SLC35A3: variants seen among roughly 807,000 people sequenced by gnomAD.
SLC35A3 encodes solute carrier family 35 member A3, also known as UDP-N-acetylglucosamine transporter.
SLC35A3 carries 26 observed loss-of-function variants against 39.0 expected under a neutral mutation model. The ratio of observed to expected loss-of-function variants is 0.67; its 90% CI spans 0.49 to 0.92. The LOEUF (loss-of-function observed/expected upper bound fraction) is 0.92, where lower values mean the gene tolerates loss of function less well. Among genes scored for constraint, SLC35A3 ranks in the 40% least tolerant of loss-of-function variants. SLC35A3 has a pLI of 0.00. For synonymous variants in SLC35A3, 135 were observed against 133.1 expected, an observed-to-expected ratio of 1.01 and a Z score of -0.10; for missense variants, 299 against 371.6, an observed-to-expected ratio of 0.80 and a Z score of 1.61.
At chr1:99,977,930 T>C (rs1486391019) in intron 1 of SLC35A3, among the ~76,000 whole-genome samples, 1 of 152,204 alleles carries the variant, frequency 6.6e-6, no homozygotes. Context: ...TCTATCTTAA[T>C]GAGTAATTAT....
At chr1:100,016,921 C>T (rs745821487) in intron 6 of SLC35A3, among the ~76,000 whole-genome samples, 4 of 152,146 alleles carry the variant, frequency 2.6e-5, no homozygotes, top group Non-Finnish European at 4.4e-5. Flanking sequence ...TGAATGACAA[C>T]ATTGCCAAGA....
intron 1 of SLC35A3, among the ~76,000 whole-genome samples, chr1:99,982,835 C>T (rs977086645): frequency 1.3e-5 from 2 of 152,010 alleles, no homozygotes; most frequent in Non-Finnish European, 1.5e-5. Context: ...AATAATAAAA[C>T]TGAACTTTAT....
intron 3 of SLC35A3, among the ~76,000 whole-genome samples, chr1:100,001,752 A>G (rs574940016): frequency 1.3e-5 from 2 of 152,144 alleles, no homozygotes; most frequent in African/African-American, 4.8e-5. Context: ...CGCATTCAGT[A>G]TGATATTAGT....
rs1263569936 is a variant in SLC35A3 at position 100,029,814 on chromosome 1, GA to G, written c.*7343del. On this transcript the variant is annotated 3_prime_UTR_variant, in exon 8 of 8. Coordinates refer to ENST00000533028, the MANE Select transcript of SLC35A3 (RefSeq NM_012243.3). The stretch of plus-strand genomic sequence containing the variant: ...CTGAACATAACATGAATCTAGTGTG[GA>G]AAAATGTTTATAATCAGATATTGTG... 1 of 151,770 alleles carries G rather than the reference GA, an allele frequency of 6.6e-6. No individual in the cohort carries two copies. The highest frequency in any genetic ancestry group is 1.5e-5 in the Non-Finnish European group (1 of 67,952). The allele number at this position is 151,770 out of a possible 1,614,324, so 9.4% of individuals were successfully genotyped here. A position where few individuals can be genotyped will look rare whatever the true frequency, so the allele number is the denominator to read the frequency against.
Position 100,033,040 on chromosome 1 carries a change from T to C in SLC35A3, c.*10564T>C, listed in dbSNP as rs1331614943. 1 of 152,234 alleles carries C rather than the reference T, an allele frequency of 6.6e-6. No homozygotes were observed. The highest frequency in any genetic ancestry group is 1.5e-5 in the Non-Finnish European group (1 of 68,042). The allele number at this position is 152,234 out of a possible 1,614,324, so 9.4% of individuals were successfully genotyped here. A position where few individuals can be genotyped will look rare whatever the true frequency, so the allele number is the denominator to read the frequency against. On this transcript the variant is annotated 3_prime_UTR_variant, in exon 8 of 8. Coordinates refer to ENST00000533028, the MANE Select transcript of SLC35A3 (RefSeq NM_012243.3). ...CTTTGGAGTCCTTCTAGCCAGTGAA[T>C]GGAATTTATTATAGAATCCATTGTT...
Position 100,022,596 on chromosome 1 carries a change from G to A in SLC35A3, c.*120G>A, listed in dbSNP as rs1382485270. 1 of 487,738 alleles carries A rather than the reference G, an allele frequency of 2.1e-6. No homozygotes were observed. Among genetic ancestry groups the A allele is most frequent in the Non-Finnish European group, 3.7e-6 (1 of 272,726 alleles). 30.2% of individuals were successfully genotyped at this position (487,738 alleles called of 1,614,324 possible). On this transcript the variant is annotated 3_prime_UTR_variant, in exon 8 of 8. Transcript: ENST00000533028. ...TCATCATGCTGAATCTGATCATACT[G>A]TTTTTTAAAAGTTTAAGGATAAGAC... is the stretch of plus-strand genomic sequence containing the variant.
chr1:99,999,188 T>G, intron 2 of SLC35A3, 73 bp from the exon 3 acceptor site: 25 of 938,090 alleles, frequency 2.7e-5, no homozygotes, highest in Non-Finnish European at 3.6e-5. Context: ...GTTAGAAAAT[T>G]GAGATCTTGA....
At chr1:100,001,098 T>G (rs913829674) in intron 3 of SLC35A3, among the ~76,000 whole-genome samples, 1 of 152,188 alleles carries the variant, frequency 6.6e-6, no homozygotes, top group African/African-American at 2.4e-5. Flanking sequence ...CCATGCTATT[T>G]TGGTTACTAT....
Position 100,026,283 on chromosome 1 carries a change from A to G in SLC35A3, c.*3807A>G, listed in dbSNP as rs1056715586. ...ATTCACATTATAATATTTAATTATC[A>G]TGGGTGTATGCTTTACATAAAAAAG... On this transcript the variant is annotated 3_prime_UTR_variant, in exon 8 of 8. Coordinates refer to ENST00000533028, the MANE Select transcript of SLC35A3 (RefSeq NM_012243.3). 2 of 152,180 alleles carry G rather than the reference A, an allele frequency of 1.3e-5. No individual in the cohort carries two copies. Among genetic ancestry groups the G allele is most frequent in the Admixed American group, 6.5e-5 (1 of 15,272 alleles). 9.4% of individuals were successfully genotyped at this position (152,180 alleles called of 1,614,324 possible).
At chr1:100,007,410 A>AT in intron 4 of SLC35A3, 1 of 257,478 alleles carries the variant, frequency 3.9e-6, no homozygotes, top group East Asian at 8.7e-5. Flanking sequence ...AAGACACTGC[A>AT]TTTTAAAGAA....
At chr1:100,004,524 A>C (rs933948321) in intron 3 of SLC35A3, among the ~76,000 whole-genome samples, 4 of 150,916 alleles carry the variant, frequency 2.7e-5, no homozygotes, top group African/African-American at 9.8e-5. Flanking sequence ...CTGGTCTTAA[A>C]CTCCTGAGCT....
chr1:100,016,397 G>A (rs1209916369), intron 6 of SLC35A3, among the ~76,000 whole-genome samples: 2 of 124,682 alleles, frequency 1.6e-5, no homozygotes, highest in African/African-American at 3.0e-5. Context: ...TTTTTGAGAC[G>A]GAGTCTCGCT....
At chr1:100,021,250 G>A (rs1445387062) in intron 7 of SLC35A3, among the ~76,000 whole-genome samples, 1 of 152,088 alleles carries the variant, frequency 6.6e-6, no homozygotes, top group Non-Finnish European at 1.5e-5. Flanking sequence ...GGTAATCCCA[G>A]CTAGTCGGGA....
intron 5 of SLC35A3, among the ~76,000 whole-genome samples, chr1:100,014,258 T>C (rs978457473): frequency 6.6e-6 from 1 of 152,194 alleles, no homozygotes; most frequent in African/African-American, 2.4e-5. Context: ...TCTCGCTGTT[T>C]TGCTCAGACT....
chr1:99,983,537 TCAAAA>T (rs111846657), intron 1 of SLC35A3, among the ~76,000 whole-genome samples: 34,939 of 150,140 alleles, frequency 0.23, 6,176 homozygotes, highest in African/African-American at 0.51. Context: ...AGACTCCGTC[TCAAAA>T]CAAAACAAAA....
rs1570626406 is a variant in SLC35A3, at chr1:100,018,011, G to A, written c.887+196G>A. The A allele has an allele frequency of 1.1e-5, 4 of 351,526 alleles. No individual in the cohort carries two copies. The East Asian group carries it at 1.9e-4, about 17-fold the overall frequency. The allele number at this position is 351,526 out of a possible 1,614,324, so 21.8% of individuals were successfully genotyped here. A position where few individuals can be genotyped will look rare whatever the true frequency, so the allele number is the denominator to read the frequency against. ...CTGAAAAGTTTCTTATACAAATTTG[G>A]TTGGCCAGAATTTTCCCAATAAATA... On this transcript the variant is annotated intron_variant, in intron 7 of 7. Transcript: ENST00000533028.
rs1661311374 is a variant in SLC35A3 at position 100,032,734 on chromosome 1, A to T, written c.*10258A>T. 6.6e-6 allele frequency: 1 copy of T among 151,816 alleles called. No homozygotes were observed. The highest frequency in any genetic ancestry group is 6.6e-5 in the Admixed American group (1 of 15,226). 9.4% of individuals were successfully genotyped at this position (151,816 alleles called of 1,614,324 possible). ...CTAATTTTTTGTATTTTTAGTAGAG[A>T]TGGGGTTTCACCATCTTGGCCAGGC... On this transcript the variant is annotated 3_prime_UTR_variant, in exon 8 of 8. Coordinates refer to ENST00000533028, the MANE Select transcript of SLC35A3 (RefSeq NM_012243.3).
intron 2 of SLC35A3, among the ~76,000 whole-genome samples, chr1:99,997,622 A>T (rs1036291751): frequency 2.7e-5 from 4 of 149,524 alleles, no homozygotes; most frequent in African/African-American, 9.9e-5. Context: ...TATTGCAGAA[A>T]TTTTTAAAGC....
intron 1 of SLC35A3, among the ~76,000 whole-genome samples, chr1:99,971,147 G>C (rs1420846535): frequency 1.3e-5 from 2 of 151,884 alleles, no homozygotes; most frequent in Admixed American, 6.6e-5. Flanking sequence ...TCTTTTTTTG[G>C]TTATTCCTTC....
Sources: gnomAD v4.1 joint callset for allele counts (sites outside exome capture counted in the v4.1 genomes callset) on GRCh38, gnomAD v4.1.1 for gene constraint, MANE v1.5 for transcripts, NCBI Gene and HGNC (gene_info 2026-07-23, HGNC 2026-07-21) for gene names.